Variants in SCAI observed in about 807,000 individuals in gnomAD.
The protein encoded by SCAI is protein SCAI.
SCAI carries 24 observed loss-of-function variants against 92.2 expected under a neutral mutation model. The observed-to-expected ratio is 0.26, with a 90% CI of 0.19 to 0.37. The LOEUF (loss-of-function observed/expected upper bound fraction) is 0.37, where lower values mean the gene tolerates loss of function less well. SCAI is among the 10% of genes least tolerant of loss of function. The probability of loss-of-function intolerance (pLI) is 1.00; values close to 1 mark genes in which losing one functional copy is unlikely to be tolerated. For synonymous variants in SCAI, 261 were observed against 258.6 expected (o/e 1.01, Z -0.09); for missense variants, 450 against 736.2 (o/e 0.61, Z 4.50).
chr9:125,020,890 C>T (rs1832858049), intron 6 of SCAI, 121 bp from the exon 7 acceptor site: 1 of 517,524 alleles, frequency 1.9e-6, no homozygotes, highest in Admixed American at 4.2e-5. Flanking sequence ...TAAACATTCC[C>T]ACATATAAGC....
Position 124,994,953 on chromosome 9 carries a change from G to C in SCAI, c.1307C>G (p.Ser436Cys), listed in dbSNP as rs1832208828. ...RKPLFIIVDSSNSVAYKNFTN... is the reference protein window; with the variant it reads ...RKPLFIIVDSCNSVAYKNFTN... ...ACTCACCTTATACGCAACACTATTA[G>C]ACGAATCCACAATGATGAACAGTGG... is the stretch of plus-strand genomic sequence containing the variant. Residue 436 changes from serine (S) to cysteine (C), a missense_variant, in exon 14 of 18, where the codon TCT becomes TGT. Ser to Cys is a moderately radical substitution (Grantham distance 112). Coordinates refer to ENST00000336505, the MANE Select transcript of SCAI (RefSeq NM_001144877.3). 1 of 1,612,640 alleles carries C rather than the reference G, an allele frequency of 6.2e-7. No individual in the cohort carries two copies. Among genetic ancestry groups the C allele is most frequent in the East Asian group, 2.2e-5 (1 of 44,870 alleles).
chr9:124,987,398 A>C (rs1832018044), intron 14 of SCAI, among the ~76,000 whole-genome samples: 1 of 152,164 alleles, frequency 6.6e-6, no homozygotes, highest in African/African-American at 2.4e-5. Context: ...CAACTTGCTT[A>C]GTTTGCCCCT....
Position 125,084,158 on chromosome 9 carries a change from C to CTTTTTTTTTTTTTTT in SCAI, c.99-28166_99-28152dup, listed in dbSNP as rs34786493. ...ATATGAACAGGACTCTTGGCTGCTG[C>CTTTTTTTTTTTTTTT]TTTTTTTTTTTTTTTTTTTTTTTTT... is the stretch of plus-strand genomic sequence containing the variant. On this transcript the variant is annotated intron_variant, in intron 2 of 17. Transcript: ENST00000336505. Among the ~76,000 whole-genome samples, 17 of 65,138 alleles carry CTTTTTTTTTTTTTTT rather than the reference C, an allele frequency of 2.6e-4. 7 individuals are homozygous for CTTTTTTTTTTTTTTT. The highest frequency in any genetic ancestry group is 4.6e-4 in the African/African-American group (7 of 15,266). 42.7% of individuals were successfully genotyped at this position (65,138 alleles called of 152,430 possible).
Position 125,075,394 on chromosome 9 carries a change from T to C in SCAI, c.99-19387A>G, listed in dbSNP as rs1198738424. Among the ~76,000 whole-genome samples, 9 of 152,062 alleles carry C rather than the reference T, an allele frequency of 5.9e-5. No individual in the cohort carries two copies. In the East Asian group the frequency reaches 1.5e-3, roughly 26 times the overall value. On this transcript the variant is annotated intron_variant, in intron 2 of 17. Coordinates refer to ENST00000336505, the MANE Select transcript of SCAI (RefSeq NM_001144877.3). ...AGTCTGTAAAGAAGTGCAGGCCACA[T>C]AGATGTTTCATTCTTTCTTTTTTTT... is the stretch of plus-strand genomic sequence containing the variant.
At chr9:125,052,246 A>G (rs572039674) in intron 3 of SCAI, among the ~76,000 whole-genome samples, 16 of 152,346 alleles carry the variant, frequency 1.1e-4, no homozygotes, top group Admixed American at 9.8e-4. Context: ...AAAATTAAAA[A>G]CATTTGTGCT....
At chr9:125,031,464 T>C (rs1475417101) in intron 3 of SCAI, among the ~76,000 whole-genome samples, 2 of 151,112 alleles carry the variant, frequency 1.3e-5, no homozygotes, top group Non-Finnish European at 3.0e-5. Flanking sequence ...GGTTTCACTG[T>C]GGTCTCGATC....
intron 1 of SCAI, 125 bp downstream of exon 1, chr9:125,143,258 CAG>C: frequency 9.1e-6 from 5 of 547,082 alleles, no homozygotes; most frequent in East Asian, 3.9e-5. Flanking sequence ...AAGGTCCCCC[CAG>C]CCTGCACCCC....
intron 13 of SCAI, 133 bp downstream of exon 13, chr9:124,999,758 T>C (rs1832319011): frequency 1.8e-6 from 1 of 560,068 alleles, no homozygotes; most frequent in East Asian, 3.4e-5. Context: ...TAAGTGTTTC[T>C]GGTCTGTCCC....
Position 124,948,131 on chromosome 9 carries a change from C to A in SCAI, c.*4676G>T, listed in dbSNP as rs1413613758. On this transcript the variant is annotated 3_prime_UTR_variant, in exon 18 of 18. Transcript: ENST00000336505. ...TTTGTCGCTTTTCCCATTATCCTGA[C>A]TAAATCAGTATAATTACGACATAAT... 1.3e-5 allele frequency: 2 copies of A among 152,134 alleles called. No individual in the cohort carries two copies. The highest frequency in any genetic ancestry group is 3.8e-4 in the East Asian group (2 of 5,202). The allele number at this position is 152,134 out of a possible 1,614,324, so 9.4% of individuals were successfully genotyped here.
intron 3 of SCAI, among the ~76,000 whole-genome samples, chr9:125,052,379 T>C (rs1833577193): frequency 6.6e-6 from 1 of 152,208 alleles, no homozygotes; most frequent in South Asian, 2.1e-4. Context: ...TAGACCAGCC[T>C]GGCCAACATG....
chr9:125,101,472 C>T (rs898338674), intron 2 of SCAI, among the ~76,000 whole-genome samples: 8 of 152,112 alleles, frequency 5.3e-5, no homozygotes, highest in African/African-American at 1.7e-4. Flanking sequence ...AGAATGACTC[C>T]AAGGCCTTTG....
chr9:125,003,436 T>A (rs574983586), intron 10 of SCAI, 33 bp downstream of exon 10: 1 of 1,433,084 alleles, frequency 7.0e-7, no homozygotes, highest in East Asian at 2.3e-5. Flanking sequence ...GCCAGAGGGT[T>A]ACCAAACTTG....
chr9:124,987,226 G>A (rs1273596568), intron 14 of SCAI, among the ~76,000 whole-genome samples: 2 of 152,104 alleles, frequency 1.3e-5, no homozygotes, highest in African/African-American at 4.8e-5. Context: ...GTTTCACCAT[G>A]TTGGTCAGGC....
chr9:124,988,712 GA>G (rs1011807730), intron 14 of SCAI, among the ~76,000 whole-genome samples: 1 of 151,890 alleles, frequency 6.6e-6, no homozygotes, highest in Non-Finnish European at 1.5e-5. Context: ...GTGCAATAAC[GA>G]AAAAAGTTCT....
chr9:125,122,588 C>CAAAAAAAA (rs34757267), intron 2 of SCAI, among the ~76,000 whole-genome samples: 1 of 59,956 alleles, frequency 1.7e-5, no homozygotes. Context: ...GACTCCATCT[C>CAAAAAAAA]AAAAAAAAAA....
intron 9 of SCAI, among the ~76,000 whole-genome samples, chr9:125,004,967 T>C (rs1832473894): frequency 6.7e-6 from 1 of 150,348 alleles, no homozygotes; most frequent in South Asian, 2.1e-4. Context: ...TTTGTATTTT[T>C]AGTAGAGATG....
intron 14 of SCAI, among the ~76,000 whole-genome samples, chr9:124,986,373 C>T (rs975993697): frequency 6.6e-6 from 1 of 152,122 alleles, no homozygotes; most frequent in Non-Finnish European, 1.5e-5. Context: ...AATACCATAA[C>T]CAACAAAAAA....
intron 9 of SCAI, among the ~76,000 whole-genome samples, chr9:125,010,194 C>G (rs1324300564): frequency 1.3e-5 from 2 of 152,228 alleles, no homozygotes; most frequent in African/African-American, 4.8e-5. Flanking sequence ...ACAGTGGGTG[C>G]AGCGCACCGT....
intron 3 of SCAI, among the ~76,000 whole-genome samples, chr9:125,051,871 C>A (rs939698831): frequency 6.6e-6 from 1 of 152,064 alleles, no homozygotes; most frequent in African/African-American, 2.4e-5. Context: ...GAGTTCAAGA[C>A]CAGCCTGGCC....
Sources: gnomAD v4.1 joint callset for allele counts (sites outside exome capture counted in the v4.1 genomes callset) on GRCh38, gnomAD v4.1.1 for gene constraint, MANE v1.5 for transcripts, NCBI Gene and HGNC (gene_info 2026-07-23, HGNC 2026-07-21) for gene names.